The following STK17A variants were observed in gnomAD, a reference collection of about 807,000 sequenced individuals.
STK17A encodes serine/threonine kinase 17a.
Under a neutral mutation model 43.7 loss-of-function variants are expected in STK17A, and 26 were observed. That is an observed-to-expected ratio of 0.60 (90% CI 0.44 to 0.83). The LOEUF is 0.83. Among genes scored for constraint, STK17A ranks in the 40% least tolerant of loss-of-function variants. The pLI, the probability that STK17A is intolerant of heterozygous loss-of-function variation, is 0.00. For missense variants in STK17A, 476 were observed against 511.6 expected, an observed-to-expected ratio of 0.93 and a Z score of 0.67; for synonymous variants, 191 against 182.5, an observed-to-expected ratio of 1.05 and a Z score of -0.38.
rs988593106 is a variant in STK17A, at chr7:43,625,269, C to A, written c.*427C>A. ...ATGTCTACTAAAATTGCTACTTTTT[C>A]ACTTTGGATTTGTTTTTGGCAAAAT... On this transcript the variant is annotated 3_prime_UTR_variant, in exon 7 of 7. Transcript: ENST00000319357. 3.3e-5 allele frequency: 5 copies of A among 153,236 alleles called. No homozygotes were observed. Among genetic ancestry groups the A allele is most frequent in the African/African-American group, 1.2e-4 (5 of 41,486 alleles). The allele number at this position is 153,236 out of a possible 1,614,324, so 9.5% of individuals were successfully genotyped here. A position where few individuals can be genotyped will look rare whatever the true frequency, so the allele number is the denominator to read the frequency against.
At chr7:43,586,430 A>G (rs1436042885) in intron 1 of STK17A, among the ~76,000 whole-genome samples, 3 of 151,560 alleles carry the variant, frequency 2.0e-5, no homozygotes, top group African/African-American at 7.3e-5. Context: ...AGTCCATAGC[A>G]GCGTAAATAA....
rs1251432655 is a variant in STK17A at position 43,608,353 on chromosome 7, G to A, written c.517G>A (p.Gly173Ser). The change falls in exon 3 of 7, where the codon GGT (glycine) becomes AGT (serine). Residue 173 changes from glycine (G) to serine (S), a missense_variant. By Grantham distance (56) the Gly-to-Ser change is moderately conservative (BLOSUM62 0). Coordinates refer to ENST00000319357, the MANE Select transcript of STK17A (RefSeq NM_004760.3). ...AAGACTTATGCGACAGATTTTAGAA[G>A]GTGTTCACTTTTTACACACTCGTGA... ...VQRLMRQILE[G>S]VHFLHTRDVV... 1.2e-6 allele frequency: 2 copies of A among 1,613,938 alleles called. No homozygotes were observed. Among genetic ancestry groups the A allele is most frequent in the East Asian group, 2.2e-5 (1 of 44,846 alleles).
At chr7:43,592,758 C>T (rs1206262337) in intron 1 of STK17A, among the ~76,000 whole-genome samples, 3 of 150,796 alleles carry the variant, frequency 2.0e-5, no homozygotes, top group Non-Finnish European at 4.4e-5. Flanking sequence ...TCCAGCTATT[C>T]AGGAGGCTGA....
chr7:43,594,007 A>G (rs1275609752), intron 1 of STK17A, among the ~76,000 whole-genome samples: 1 of 152,236 alleles, frequency 6.6e-6, no homozygotes, highest in Non-Finnish European at 1.5e-5. Context: ...AGCAACAAAA[A>G]TAATAATGAT....
At chr7:43,617,180 T>C (rs1033678912) in intron 3 of STK17A, among the ~76,000 whole-genome samples, 2 of 152,100 alleles carry the variant, frequency 1.3e-5, no homozygotes, top group African/African-American at 2.4e-5. Flanking sequence ...GAGAGCTAGT[T>C]AGGCAGAAGC....
chr7:43,599,772 C>T (rs544165028), intron 2 of STK17A, among the ~76,000 whole-genome samples: 16 of 152,190 alleles, frequency 1.1e-4, no homozygotes, highest in Non-Finnish European at 2.1e-4. Flanking sequence ...ATGGCTCAGT[C>T]CAAGTGCAAA....
At chr7:43,586,938 C>A (rs2082444092) in intron 1 of STK17A, among the ~76,000 whole-genome samples, 1 of 151,170 alleles carries the variant, frequency 6.6e-6, no homozygotes, top group East Asian at 1.9e-4. Context: ...CTCATTGATT[C>A]TCACCACAAG....
intron 3 of STK17A, among the ~76,000 whole-genome samples, chr7:43,619,105 T>C (rs999677123): frequency 1.9e-4 from 29 of 152,194 alleles, no homozygotes; most frequent in Admixed American, 1.8e-3. Context: ...ACAGAAATCA[T>C]TGCATGCAAA....
At chr7:43,598,445 G>A (rs1223869794) in intron 2 of STK17A, among the ~76,000 whole-genome samples, 2 of 149,376 alleles carry the variant, frequency 1.3e-5, no homozygotes, top group African/African-American at 4.9e-5. Context: ...ACTCCAGCCT[G>A]GGTGACACAG....
At chr7:43,591,964 G>C (rs1364252036) in intron 1 of STK17A, among the ~76,000 whole-genome samples, 1 of 151,558 alleles carries the variant, frequency 6.6e-6, no homozygotes, top group Non-Finnish European at 1.5e-5. Flanking sequence ...AATGTCAGGT[G>C]TGGCAACAGT....
At chr7:43,623,424 A>G in intron 4 of STK17A, 148 bp from the exon 5 acceptor site, 1 of 648,652 alleles carries the variant, frequency 1.5e-6, no homozygotes, top group South Asian at 1.8e-5. Flanking sequence ...GCTTTATATT[A>G]ATTCATATTA....
Position 43,594,893 on chromosome 7 carries a change from A to AAAAT in STK17A, c.207-1007_207-1006insAATA, listed in dbSNP as rs34954300. Among the ~76,000 whole-genome samples the AAAAT allele has an allele frequency of 3.0e-3, 441 of 147,590 alleles. 3 individuals carry two copies. Among genetic ancestry groups the AAAAT allele is most frequent in the Middle Eastern group, 7.1e-3 (2 of 280 alleles). On this transcript the variant is annotated intron_variant, in intron 1 of 6. Transcript: ENST00000319357. ...AGTCTCTTAAAAAAAAAAAAAAAGA[A>AAAAT]AGAAAGAAAAGAAAAGAAAAATGAA...
In STK17A at chr7:43,625,579, TTCTC is replaced by T. The variant is rs1156372574; in HGVS notation, c.*742_*745del. 6.6e-6 allele frequency: 1 copy of T among 152,312 alleles called. No homozygotes were observed. Among genetic ancestry groups the T allele is most frequent in the Admixed American group, 6.5e-5 (1 of 15,280 alleles). 9.4% of individuals were successfully genotyped at this position (152,312 alleles called of 1,614,324 possible). ...ATCACACCACACTCACATGCATCTG[TTCTC>T]TCTCACACTCTATACCCCTGCCACT... On this transcript the variant is annotated 3_prime_UTR_variant, in exon 7 of 7. Coordinates refer to ENST00000319357, the MANE Select transcript of STK17A (RefSeq NM_004760.3).
chr7:43,606,148 C>T (rs2082587009), intron 2 of STK17A, among the ~76,000 whole-genome samples: 1 of 151,840 alleles, frequency 6.6e-6, no homozygotes, highest in South Asian at 2.1e-4. Flanking sequence ...TTCTCTTCCC[C>T]ACTAGAGCTT....
At position 43,595,976 on chromosome 7, in the gene STK17A, A is replaced by G; in HGVS notation, c.282A>G (p.Lys94=). The G allele has an allele frequency of 6.2e-7, 1 of 1,614,010 alleles. No individual in the cohort carries two copies. The highest frequency in any genetic ancestry group is 8.5e-7 in the Non-Finnish European group (1 of 1,179,942). ...GKEFAAKFMR[K]RRKGQDCRME... ...AATTTGCTGCAAAGTTCATGAGAAAAAGAAGAAAAGGCCAAGATTGTCGGA... is the reference window on the plus strand; with the variant it reads ...AATTTGCTGCAAAGTTCATGAGAAAGAGAAGAAAAGGCCAAGATTGTCGGA... The change falls in exon 2 of 7, where the codon AAA becomes AAG. Residue 94 remains lysine, a synonymous_variant. Coordinates refer to ENST00000319357, the MANE Select transcript of STK17A (RefSeq NM_004760.3).
chr7:43,596,355 C>A (rs574448052), intron 2 of STK17A, among the ~76,000 whole-genome samples: 2 of 152,230 alleles, frequency 1.3e-5, no homozygotes, highest in Admixed American at 1.3e-4. Flanking sequence ...AAAAGGTTAT[C>A]TTACAATTTT....
Position 43,624,846 on chromosome 7 carries a change from A to G in STK17A, c.*4A>G, listed in dbSNP as rs2084328150. 3.8e-6 allele frequency: 6 copies of G among 1,581,276 alleles called. No homozygotes were observed. Among genetic ancestry groups the G allele is most frequent in the African/African-American group, 1.4e-5 (1 of 73,310 alleles). On this transcript the variant is annotated 3_prime_UTR_variant, in exon 7 of 7. Transcript: ENST00000319357. The stretch of plus-strand genomic sequence containing the variant: ...TCCAGGAGAATTTATCTACTGAGCA[A>G]TATTTCCCTTTAGAACTTCAAGATT...
At position 43,589,942 on chromosome 7, in the gene STK17A, T is replaced by A. The variant is rs9801328; in HGVS notation, c.207-5959T>A. Among the ~76,000 whole-genome samples, 426 of 86,262 alleles carry A rather than the reference T, an allele frequency of 4.9e-3. 7 individuals carry two copies. The highest frequency in any genetic ancestry group is 0.011 in the African/African-American group (353 of 30,970). 56.6% of individuals were successfully genotyped at this position (86,262 alleles called of 152,430 possible). A position where few individuals can be genotyped will look rare whatever the true frequency, so the allele number is the denominator to read the frequency against. On this transcript the variant is annotated intron_variant, in intron 1 of 6. Transcript: ENST00000319357. ...TTTTATTTAATTTTAATTTTAATTT[T>A]ATTTTATTTTATTTTATTTTATTTT...
intron 4 of STK17A, among the ~76,000 whole-genome samples, chr7:43,620,535 G>A (rs1241614393): frequency 8.5e-5 from 13 of 152,194 alleles, no homozygotes; most frequent in African/African-American, 2.2e-4. Flanking sequence ...TTAGCCAGGC[G>A]TGATGGTGTG....
Sources: allele counts gnomAD v4.1 joint callset (sites outside exome capture counted in the v4.1 genomes callset), GRCh38; gene constraint gnomAD v4.1.1; transcripts MANE v1.5; gene names NCBI Gene and HGNC (gene_info 2026-07-23, HGNC 2026-07-21).